USP42: variants seen among roughly 807,000 people sequenced by gnomAD.
USP42 encodes ubiquitin carboxyl-terminal hydrolase 42.
In USP42, 23 loss-of-function variants were observed where a neutral mutation model predicts 113.0. That is an observed-to-expected ratio of 0.20 (90% confidence interval 0.15 to 0.29). The LOEUF (loss-of-function observed/expected upper bound fraction) is 0.29. USP42 is among the 10% of genes least tolerant of loss of function. The probability of loss-of-function intolerance (pLI) is 1.00; values close to 1 mark genes in which losing one functional copy is unlikely to be tolerated. For synonymous variants in USP42, 933 were observed against 699.0 expected (o/e 1.33, Z -5.28); for missense variants, 2,174 against 1,779.8 (o/e 1.22, Z -3.99).
chr7:6,111,671 T>C, intron 2 of USP42: 1 of 208,870 alleles, frequency 4.8e-6, no homozygotes, highest in South Asian at 8.2e-5. Flanking sequence ...GGCGCGATCT[T>C]GACTCACTGC....
chr7:6,116,824 C>T (rs765392791), intron 3 of USP42: 4 of 533,264 alleles, frequency 7.5e-6, no homozygotes, highest in South Asian at 2.8e-5. Flanking sequence ...AGACAGCTTT[C>T]CTATCACTTT....
At position 6,157,448 on chromosome 7, in the gene USP42, G is replaced by T; in HGVS notation, c.3943+393G>T. On this transcript the variant is annotated intron_variant, in intron 16 of 17. Transcript: ENST00000306177. This position sits in a 1 kb window ranked among gnomAD's most constrained non-coding sequence, Gnocchi z 4.1. ...GTCTTGCTCTATTGCCCAGGCTGGA[G>T]TGCAGTGGCGGCGATCTCAGCTCAC... 1.1e-6 allele frequency: 1 copy of T among 925,406 alleles called. No individual in the cohort carries two copies. The highest frequency in any genetic ancestry group is 1.3e-6 in the Non-Finnish European group (1 of 775,340). The allele number at this position is 925,406 out of a possible 1,614,324, so 57.3% of individuals were successfully genotyped here.
At chr7:6,102,497 C>T (rs959036368), upstream of USP42, among the ~76,000 whole-genome samples, 5 of 149,880 alleles carry the variant, frequency 3.3e-5, no homozygotes, top group African/African-American at 5.0e-5. Flanking sequence ...TGTGGTGGCT[C>T]ATGCCTGTAA....
At chr7:6,143,115 TTC>T (rs1781520604) in intron 8 of USP42, 101 bp downstream of exon 8, 1 of 1,179,790 alleles carries the variant, frequency 8.5e-7, no homozygotes, top group African/African-American at 1.5e-5. Flanking sequence ...TTGCTTGAGT[TTC>T]TGATACCCTC....
At position 6,115,619 on chromosome 7, in the gene USP42, T is replaced by A. The variant is rs968580108; in HGVS notation, c.442+96T>A. ...AAGTGAAGAATTAATCCAAGAGTGC[T>A]ATGATTACTAAGAAGTTGGTTTATT... is the stretch of plus-strand genomic sequence containing the variant. On this transcript the variant is annotated intron_variant, in intron 3 of 17. Transcript: ENST00000306177. 3.6e-6 allele frequency: 5 copies of A among 1,402,026 alleles called. No individual in the cohort carries two copies. In the African/African-American group the frequency reaches 5.7e-5, roughly 16 times the overall value. 86.8% of individuals were successfully genotyped at this position (1,402,026 alleles called of 1,614,324 possible). A position where few individuals can be genotyped will look rare whatever the true frequency, so the allele number is the denominator to read the frequency against.
At position 6,147,884 on chromosome 7, in the gene USP42, A is replaced by G. The variant is rs762001293; in HGVS notation, c.1378A>G (p.Met460Val). ...TATCGGACCACAGCTTCCCTCTCAC[A>G]TGATAAAGGTAACAGTCCTTAGGGA... ...GFIGPQLPSH[M>V]IKNPPHLNGT... The change falls in exon 12 of 18, where the codon ATG becomes GTG. Residue 460 changes from methionine to valine, a missense_variant. Physicochemically the swap from Met to Val is conservative, Grantham distance 21. Transcript: ENST00000306177. The G allele has an allele frequency of 1.5e-5, 24 of 1,609,136 alleles. No homozygotes were observed. Among genetic ancestry groups the G allele is most frequent in the South Asian group, 3.3e-5 (3 of 90,510 alleles).
At chr7:6,082,899 C>T in the USP42 span, among the ~76,000 whole-genome samples, 1 of 148,546 alleles carries the variant, frequency 6.7e-6, no homozygotes, top group African/African-American at 2.5e-5. Flanking sequence ...GTGTGAGCCA[C>T]TGCGCCTGTG....
In USP42 at chr7:6,154,725, C is replaced by G. The variant is rs1447940518; in HGVS notation, c.3171C>G (p.Asp1057Glu). Residue 1057 changes from aspartate to glutamate, a missense_variant, in exon 15 of 18, where the codon GAC becomes GAG. By Grantham distance (45) the Asp-to-Glu change is conservative. Coordinates refer to ENST00000306177, the MANE Select transcript of USP42 (RefSeq NM_032172.3). ...TCTACCCCGACAGGCCGCGCTGGGA[C>G]AGGTGCCGGTACTACCATGACAGGT... ...EKFYPDRPRW[D>E]RCRYYHDRYA... The G allele has an allele frequency of 5.7e-6, 9 of 1,588,448 alleles. No homozygotes were observed. The highest frequency in any genetic ancestry group is 7.7e-6 in the Non-Finnish European group (9 of 1,168,930).
chr7:6,107,370 T>G (rs1048456992), intron 1 of USP42, among the ~76,000 whole-genome samples: 2 of 152,036 alleles, frequency 1.3e-5, no homozygotes, highest in Non-Finnish European at 2.9e-5. Context: ...CCTTTTCTTA[T>G]ATTTCTTACA....
At chr7:6,131,575 A>T (rs1562825210) in intron 3 of USP42, among the ~76,000 whole-genome samples, 1 of 152,176 alleles carries the variant, frequency 6.6e-6, no homozygotes, top group Non-Finnish European at 1.5e-5. Flanking sequence ...CTGTCACACG[A>T]GGCTGCCCCT....
In USP42 at chr7:6,153,958, C is replaced by G. The variant is rs572493113; in HGVS notation, c.2404C>G (p.Pro802Ala). The G allele has an allele frequency of 1.3e-6, 2 of 1,595,308 alleles. No homozygotes were observed. The highest frequency in any genetic ancestry group is 1.3e-5 in the African/African-American group (1 of 74,576). Residue 802 changes from proline to alanine, a missense_variant, in exon 15 of 18, where the codon CCG (proline) becomes GCG (alanine). Coordinates refer to ENST00000306177, the MANE Select transcript of USP42 (RefSeq NM_032172.3). ...CATGGCCGTCGCCCCCGAGGAGCCT[C>G]CGCCCAGCGCCGGCGAGGACATCGT... ...EAMAVAPEEP[P>A]PSAGEDIVGD... is the part of the protein sequence containing the mutation.
rs962723323 is a variant in USP42, at chr7:6,154,241, C to T, written c.2687C>T (p.Ala896Val). 3.1e-6 allele frequency: 5 copies of T among 1,604,754 alleles called. No homozygotes were observed. In the Admixed American group the frequency reaches 5.1e-5, roughly 16 times the overall value. Residue 896 changes from alanine to valine, a missense_variant, in exon 15 of 18, where the codon GCA becomes GTA. By Grantham distance (64) the Ala-to-Val change is moderately conservative. Coordinates refer to ENST00000306177, the MANE Select transcript of USP42 (RefSeq NM_032172.3). ...PSQSLGAPEA[A>V]ERPPAPVLDM... ...CAGAGCTTGGGCGCACCCGAGGCCG[C>T]AGAGCGGCCGCCAGCTCCTGTGCTG...
At chr7:6,119,120 CAGG>C (rs1392467305) in intron 3 of USP42, among the ~76,000 whole-genome samples, 1 of 151,590 alleles carries the variant, frequency 6.6e-6, no homozygotes, top group Non-Finnish European at 1.5e-5. Flanking sequence ...GAGGCTGAGG[CAGG>C]AGGATTGCTT....
the USP42 span, among the ~76,000 whole-genome samples, chr7:6,086,928 A>G: frequency 1.3e-5 from 2 of 149,744 alleles, no homozygotes; most frequent in Non-Finnish European, 2.9e-5. Flanking sequence ...GGGTTTCACC[A>G]TGTTGGCCAG....
rs1329541834 is a variant in USP42 at position 6,157,160 on chromosome 7, G to A, written c.3943+105G>A. ...AAAGAAAACCTCAGGTGGCATCAAA[G>A]GGCACAGTTACTCAGAGCACCCCTG... On this transcript the variant is annotated intron_variant, in intron 16 of 17. Coordinates refer to ENST00000306177, the MANE Select transcript of USP42 (RefSeq NM_032172.3). The surrounding 1 kb of genome is among the most constrained non-coding windows in gnomAD (Gnocchi z 4.1). The A allele has an allele frequency of 8.3e-6, 12 of 1,443,524 alleles. No homozygotes were observed. The East Asian group carries it at 2.5e-4, about 30-fold the overall frequency. The allele number at this position is 1,443,524 out of a possible 1,614,324, so 89.4% of individuals were successfully genotyped here.
chr7:6,135,372 G>T lies in USP42; in HGVS notation c.443-469G>T, dbSNP rs559408928. On this transcript the variant is annotated intron_variant, in intron 3 of 17. Transcript: ENST00000306177. ...TTTGTTAGAAAAGTAAATGAGGCTG[G>T]GGTGGTGGCTTACACCTATAATCCC... Among the ~76,000 whole-genome samples the T allele has an allele frequency of 3.9e-5, 6 of 152,148 alleles. No individual in the cohort carries two copies. The East Asian group carries it at 1.2e-3, about 29-fold the overall frequency.
rs1782284995 is a variant in USP42, at chr7:6,154,417, A to C, written c.2863A>C (p.Ser955Arg). 1 of 1,574,936 alleles carries C rather than the reference A, an allele frequency of 6.3e-7. No homozygotes were observed. Among genetic ancestry groups the C allele is most frequent in the African/African-American group, 1.4e-5 (1 of 73,888 alleles). The change falls in exon 15 of 18, where the codon AGC (serine) becomes CGC (arginine). Residue 955 changes from serine to arginine, a missense_variant. Transcript: ENST00000306177. ...LRKVDRGHYR[S>R]RRERSSSGEP... ...AAAGGTGGACCGAGGCCACTACCGC[A>C]GCCGGAGAGAGCGCTCGTCCAGCGG... is the stretch of plus-strand genomic sequence containing the variant.
At chr7:6,134,030 A>G (rs1458541230) in intron 3 of USP42, among the ~76,000 whole-genome samples, 1 of 151,578 alleles carries the variant, frequency 6.6e-6, no homozygotes, top group Non-Finnish European at 1.5e-5. Context: ...AGCTGGGACT[A>G]CAGGTGCCCA....
chr7:6,127,148 G>C (rs1010545788), intron 3 of USP42, among the ~76,000 whole-genome samples: 1 of 152,172 alleles, frequency 6.6e-6, no homozygotes, highest in African/African-American at 2.4e-5. Flanking sequence ...AAACGTGCCT[G>C]TATCTTTCCC....
Sources: gnomAD v4.1 joint callset for allele counts (sites outside exome capture counted in the v4.1 genomes callset) on GRCh38, gnomAD v4.1.1 for gene constraint, Gnocchi (gnomAD v3.1) non-coding constraint, MANE v1.5 for transcripts, NCBI Gene and HGNC (gene_info 2026-07-23, HGNC 2026-07-21) for gene names.